Variants in BNC2 observed in about 807,000 individuals in gnomAD.
The protein encoded by BNC2 is zinc finger protein basonuclin-2.
In BNC2, 20 loss-of-function variants were observed where a neutral mutation model predicts 76.3. That is an observed-to-expected ratio of 0.26 (90% CI 0.18 to 0.38). The LOEUF (loss-of-function observed/expected upper bound fraction) is 0.38, where lower values mean the gene tolerates loss of function less well. Among genes scored for constraint, BNC2 ranks in the 10% least tolerant of loss-of-function variants. The pLI is 1.00. For missense variants in BNC2, 1,382 were observed against 1,399.8 expected (o/e 0.99, Z 0.20); for synonymous variants, 582 against 514.8 (o/e 1.13, Z -1.77).
At chr9:16,708,245 G>T (rs1300655668) in intron 3 of BNC2, among the ~76,000 whole-genome samples, 1 of 152,164 alleles carries the variant, frequency 6.6e-6, no homozygotes, top group Admixed American at 6.5e-5. Context: ...TGAGCCAAAA[G>T]AAAACTTTAC....
chr9:16,550,190 T>G (rs1438716896), intron 5 of BNC2, among the ~76,000 whole-genome samples: 20 of 152,220 alleles, frequency 1.3e-4, no homozygotes, highest in Non-Finnish European at 1.5e-5. Context: ...ACGGGCTGCA[T>G]GTGGCCCATG....
chr9:16,615,444 C>T (rs553334442), intron 3 of BNC2, among the ~76,000 whole-genome samples: 1 of 152,164 alleles, frequency 6.6e-6, no homozygotes, highest in Admixed American at 6.5e-5. Context: ...GCCATAAGAT[C>T]GTCATGTGAG....
intron 3 of BNC2, among the ~76,000 whole-genome samples, chr9:16,637,143 T>C (rs1337934828): frequency 6.6e-6 from 1 of 152,108 alleles, no homozygotes; most frequent in East Asian, 1.9e-4. Flanking sequence ...TGGCTTTTAT[T>C]AGCCACATCA....
chr9:16,596,766 T>G (rs1382394293), intron 3 of BNC2, among the ~76,000 whole-genome samples: 1 of 152,176 alleles, frequency 6.6e-6, no homozygotes, highest in African/African-American at 2.4e-5. Flanking sequence ...GCCTTTACCC[T>G]GTGATTGTGA....
intron 4 of BNC2, chr9:16,575,356 T>C: frequency 2.0e-6 from 2 of 985,380 alleles, no homozygotes; most frequent in Non-Finnish European, 2.4e-6. Context: ...GTGACTACAC[T>C]GGAGGCCAGG....
At chr9:16,423,202 G>A (rs1486884847) in intron 6 of BNC2, among the ~76,000 whole-genome samples, 1 of 152,148 alleles carries the variant, frequency 6.6e-6, no homozygotes, top group Non-Finnish European at 1.5e-5. Context: ...TTAGTGTTCT[G>A]AATATTTATC....
rs748701469 is a variant in BNC2 at position 16,412,240 on chromosome 9, G to C, written c.*6749C>G. The stretch of plus-strand genomic sequence containing the variant: ...AGATTGTCAGTCCAGTTTGACAAAA[G>C]TTAATCTATCATGTTACACTATGGA... On this transcript the variant is annotated 3_prime_UTR_variant, in exon 7 of 7. Coordinates refer to ENST00000380672, the MANE Select transcript of BNC2 (RefSeq NM_017637.6). 1 of 152,540 alleles carries C rather than the reference G, an allele frequency of 6.6e-6. No individual in the cohort carries two copies. The highest frequency in any genetic ancestry group is 1.5e-5 in the Non-Finnish European group (1 of 68,036). The allele number at this position is 152,540 out of a possible 1,614,324, so 9.4% of individuals were successfully genotyped here. A position where few individuals can be genotyped will look rare whatever the true frequency, so the allele number is the denominator to read the frequency against.
chr9:16,415,604 A>C lies in BNC2; in HGVS notation c.*3385T>G, dbSNP rs1820569728. ...GATGAGCTCCATGACTAAAACGCTG[A>C]TCTCTTTATCCTTCCTGTTTGCAAA... is the stretch of plus-strand genomic sequence containing the variant. On this transcript the variant is annotated 3_prime_UTR_variant, in exon 7 of 7. Transcript: ENST00000380672. 6.6e-6 allele frequency: 1 copy of C among 152,226 alleles called. No individual in the cohort carries two copies. Among genetic ancestry groups the C allele is most frequent in the Non-Finnish European group, 1.5e-5 (1 of 68,032 alleles). 9.4% of individuals were successfully genotyped at this position (152,226 alleles called of 1,614,324 possible).
At chr9:16,642,411 G>C (rs183392885) in intron 3 of BNC2, among the ~76,000 whole-genome samples, 2 of 152,192 alleles carry the variant, frequency 1.3e-5, no homozygotes, top group Non-Finnish European at 2.9e-5. Flanking sequence ...ACTCTTCTTT[G>C]AAAGGTAGAG....
At chr9:16,563,872 C>G (rs986686359) in intron 4 of BNC2, among the ~76,000 whole-genome samples, 1 of 152,164 alleles carries the variant, frequency 6.6e-6, no homozygotes, top group African/African-American at 2.4e-5. Context: ...ACATTTCTAA[C>G]AAAAACCCAC....
intron 6 of BNC2, among the ~76,000 whole-genome samples, chr9:16,433,611 G>C (rs1023693199): frequency 6.6e-6 from 1 of 152,202 alleles, no homozygotes; most frequent in African/African-American, 2.4e-5. Context: ...CCAACAAGCA[G>C]TACCTCAACA....
intron 1 of BNC2, among the ~76,000 whole-genome samples, chr9:16,826,081 C>T (rs1818448043): frequency 6.6e-6 from 1 of 152,070 alleles, no homozygotes. Flanking sequence ...ATTCCAAGCT[C>T]CCCGACCCAC....
chr9:16,665,260 C>T (rs1044436453), intron 3 of BNC2: 18 of 356,220 alleles, frequency 5.1e-5, no homozygotes, highest in African/African-American at 3.9e-4. Flanking sequence ...ATCCCAGCTA[C>T]TCCAGAGGCT....
intron 1 of BNC2, among the ~76,000 whole-genome samples, chr9:16,760,292 G>A (rs544153548): frequency 6.6e-6 from 1 of 152,202 alleles, no homozygotes; most frequent in South Asian, 2.1e-4. Context: ...CCACACTATT[G>A]GGTGGAATAT....
At chr9:16,477,478 C>A (rs1477529130) in intron 5 of BNC2, among the ~76,000 whole-genome samples, 4 of 152,082 alleles carry the variant, frequency 2.6e-5, no homozygotes, top group Non-Finnish European at 5.9e-5. Context: ...TAATGGCAAA[C>A]TTAAACATTT....
intron 1 of BNC2, among the ~76,000 whole-genome samples, chr9:16,786,111 G>A (rs1478689691): frequency 6.6e-6 from 1 of 152,134 alleles, no homozygotes; most frequent in Admixed American, 6.5e-5. Context: ...GAGTGGAGTG[G>A]CTTAGAATGG....
rs71327866 is a variant in BNC2, at chr9:16,861,181, AATATATAT to A, written c.3+9457_3+9464del. ...ACATGGTAATACCCTATCTCTACAA[AATATATAT>A]ATATATATATATAAATTAACCAGGC... is the stretch of plus-strand genomic sequence containing the variant. On this transcript the variant is annotated intron_variant, in intron 1 of 6. Transcript: ENST00000380672. Among the ~76,000 whole-genome samples the A allele has an allele frequency of 3.2e-3, 422 of 131,764 alleles. 14 individuals carry two copies. The highest frequency in any genetic ancestry group is 0.013 in the African/African-American group (403 of 32,126). 86.4% of individuals were successfully genotyped at this position (131,764 alleles called of 152,430 possible). A position where few individuals can be genotyped will look rare whatever the true frequency, so the allele number is the denominator to read the frequency against.
intron 4 of BNC2, among the ~76,000 whole-genome samples, chr9:16,565,670 T>C: frequency 6.6e-6 from 1 of 151,860 alleles, no homozygotes; most frequent in East Asian, 1.9e-4. Flanking sequence ...TAGCCAGGCA[T>C]TGTGGTGCAC....
intron 1 of BNC2, among the ~76,000 whole-genome samples, chr9:16,846,180 G>C (rs1026559993): frequency 7.9e-5 from 12 of 150,986 alleles, no homozygotes; most frequent in African/African-American, 1.7e-4. Context: ...AAATTAAAAA[G>C]AGCTACGTTT....
Sources: allele counts gnomAD v4.1 joint callset (sites outside exome capture counted in the v4.1 genomes callset), GRCh38; gene constraint gnomAD v4.1.1; transcripts MANE v1.5; gene names NCBI Gene and HGNC (gene_info 2026-07-23, HGNC 2026-07-21).